The following PLEKHA5 variants were observed in gnomAD, a reference collection of about 807,000 sequenced individuals.
PLEKHA5 encodes the protein pleckstrin homology domain-containing family A member 5.
In PLEKHA5, 55 loss-of-function variants were observed where a neutral mutation model predicts 181.9. The ratio of observed to expected loss-of-function variants is 0.30; its 90% CI spans 0.24 to 0.38. PLEKHA5 has a LOEUF of 0.38. Among genes scored for constraint, PLEKHA5 ranks in the 10% least tolerant of loss-of-function variants. The pLI is 1.00. For missense variants in PLEKHA5, 1,432 were observed against 1,549.5 expected (o/e 0.92, Z 1.27); for synonymous variants, 535 against 529.4 (o/e 1.01, Z -0.15).
Position 19,347,133 on chromosome 12 carries a change from A to C in PLEKHA5, c.2849A>C (p.Glu950Ala). ...AGGGGCCCAGTTCATCTGCCTGAAG[A>C]AAAGAAGATGTATCAAGTTCAAGGA... ...YSRGPVHLPE[E>A]KKMYQVQGYP... Residue 950 changes from glutamate (E) to alanine (A), a missense_variant, in exon 24 of 32, where the codon GAA (glutamate) becomes GCA (alanine). By Grantham distance (107) the Glu-to-Ala change is moderately radical (BLOSUM62 -1). Transcript: ENST00000429027. 5 of 1,550,558 alleles carry C rather than the reference A, an allele frequency of 3.2e-6. No individual in the cohort carries two copies. Among genetic ancestry groups the C allele is most frequent in the Non-Finnish European group, 4.4e-6 (5 of 1,146,206 alleles).
At chr12:19,179,478 G>A (rs2048051372) in intron 3 of PLEKHA5, among the ~76,000 whole-genome samples, 3 of 152,158 alleles carry the variant, frequency 2.0e-5, no homozygotes, top group South Asian at 4.1e-4. Flanking sequence ...CCAACATGGA[G>A]CGAAAGCCCG....
chr12:19,180,379 G>T (rs928664358), intron 3 of PLEKHA5, among the ~76,000 whole-genome samples: 6 of 152,218 alleles, frequency 3.9e-5, no homozygotes, highest in Middle Eastern at 3.4e-3. Flanking sequence ...CCCATGAGGG[G>T]AGTCATCCTC....
intron 21 of PLEKHA5, among the ~76,000 whole-genome samples, chr12:19,338,146 A>G (rs959156568): frequency 6.6e-6 from 1 of 152,140 alleles, no homozygotes; most frequent in Non-Finnish European, 1.5e-5. Context: ...AAATGTGACT[A>G]TTGTGACTAC....
At chr12:19,200,399 A>G (rs975393173) in intron 3 of PLEKHA5, 29 of 1,515,362 alleles carry the variant, frequency 1.9e-5, no homozygotes, top group Admixed American at 4.3e-5. Context: ...ATGCAGGCCT[A>G]TGACTAGCTT....
At chr12:19,279,288 A>C (rs576538441) in intron 11 of PLEKHA5, among the ~76,000 whole-genome samples, 1 of 152,278 alleles carries the variant, frequency 6.6e-6, no homozygotes, top group Non-Finnish European at 1.5e-5. Context: ...GATCACTGGC[A>C]TAGTTAAAAG....
At chr12:19,233,968 G>A (rs1215075127) in intron 3 of PLEKHA5, among the ~76,000 whole-genome samples, 1 of 152,208 alleles carries the variant, frequency 6.6e-6, no homozygotes, top group Non-Finnish European at 1.5e-5. Context: ...CTAAAACGTG[G>A]TTTGGGCAGA....
At chr12:19,279,604 G>A (rs2075521327) in intron 11 of PLEKHA5, among the ~76,000 whole-genome samples, 1 of 151,492 alleles carries the variant, frequency 6.6e-6, no homozygotes, top group Non-Finnish European at 1.5e-5. Context: ...CAGGTCCAGT[G>A]AGCGGAGATC....
chr12:19,270,194 CT>C lies in PLEKHA5; in HGVS notation c.837del (p.Phe279LeufsTer27). 6.8e-7 allele frequency: 1 copy of C among 1,462,564 alleles called. No individual in the cohort carries two copies. Among genetic ancestry groups the C allele is most frequent in the Non-Finnish European group, 9.1e-7 (1 of 1,100,926 alleles). The allele number at this position is 1,462,564 out of a possible 1,614,324, so 90.6% of individuals were successfully genotyped here. A position where few individuals can be genotyped will look rare whatever the true frequency, so the allele number is the denominator to read the frequency against. On this transcript the variant is annotated frameshift_variant, in exon 10 of 32. Transcript: ENST00000429027. LOFTEE classifies it high-confidence loss of function. Reference protein sequence around the residue: ...VQTEPVKRITFNFRVDKITSE... With the variant: ...VQTEPVKRITXNFRVDKITSE... Reference sequence around the variant, plus strand: ...ATGTTCTTTCTTCTTACAGAATTACCTTTAATTTCCGGTGAGTACGTTTTTA... The same window carrying C: ...ATGTTCTTTCTTCTTACAGAATTACCTTAATTTCCGGTGAGTACGTTTTTA...
chr12:19,285,729 A>C (rs970089119), intron 12 of PLEKHA5, among the ~76,000 whole-genome samples: 2 of 152,166 alleles, frequency 1.3e-5, no homozygotes, highest in Non-Finnish European at 2.9e-5. Flanking sequence ...TATCAGGTTC[A>C]CTTATAAATC....
Position 19,314,891 on chromosome 12 carries a change from G to A in PLEKHA5, c.2115G>A (p.Gln705=). 1 of 1,521,914 alleles carries A rather than the reference G, an allele frequency of 6.6e-7. No individual in the cohort carries two copies. The highest frequency in any genetic ancestry group is 8.9e-7 in the Non-Finnish European group (1 of 1,119,924). 94.3% of individuals were successfully genotyped at this position (1,521,914 alleles called of 1,614,324 possible). A position where few individuals can be genotyped will look rare whatever the true frequency, so the allele number is the denominator to read the frequency against. Residue 705 remains glutamine, a synonymous_variant, in exon 16 of 32, where the codon CAG becomes CAA. Coordinates refer to ENST00000429027, the MANE Select transcript of PLEKHA5 (RefSeq NM_001256470.2). ...CGGCGCTAAGACCCCAACTGTACCAGCAAGTAAGGTCTTGGACAGTGAATG... is the reference window on the plus strand; with the variant it reads ...CGGCGCTAAGACCCCAACTGTACCAACAAGTAAGGTCTTGGACAGTGAATG... ...ENSALRPQLY[Q]QFLRQKSKIS...
chr12:19,147,046 A>C (rs1378722173), intron 3 of PLEKHA5: 1 of 152,200 alleles, frequency 6.6e-6, no homozygotes, highest in African/African-American at 2.4e-5. Flanking sequence ...ATGTTTTCCA[A>C]GTTTATGCCA....
intron 8 of PLEKHA5, 29 bp downstream of exon 8, chr12:19,265,879 GT>G (rs774234000): frequency 1.4e-4 from 182 of 1,290,976 alleles, no homozygotes; most frequent in Admixed American, 2.3e-4. Flanking sequence ...TTTTAATTCT[GT>G]GTTCAAAACT....
At position 19,253,368 on chromosome 12, in the gene PLEKHA5, C is replaced by T. The variant is rs2065937138; in HGVS notation, c.228-572C>T. ...GGGATTACAGGCGTGAGCCATGGCA[C>T]CTGGCCTACAACTTAACCTTTGTTT... On this transcript the variant is annotated intron_variant, in intron 3 of 31. Coordinates refer to ENST00000429027, the MANE Select transcript of PLEKHA5 (RefSeq NM_001256470.2). Among the ~76,000 whole-genome samples, 4 of 151,586 alleles carry T rather than the reference C, an allele frequency of 2.6e-5. No homozygotes were observed. The South Asian group carries it at 6.3e-4, about 24-fold the overall frequency.
At chr12:19,357,854 G>T (rs2095035788) in intron 26 of PLEKHA5, among the ~76,000 whole-genome samples, 1 of 151,876 alleles carries the variant, frequency 6.6e-6, no homozygotes, top group Non-Finnish European at 1.5e-5. Context: ...TGCCCAGGCT[G>T]GTCTCAAACT....
intron 15 of PLEKHA5, among the ~76,000 whole-genome samples, chr12:19,298,133 A>G (rs528388483): frequency 6.6e-6 from 1 of 152,206 alleles, no homozygotes; most frequent in South Asian, 2.1e-4. Flanking sequence ...TGGGAGGCAG[A>G]GGTTGCAGTG....
chr12:19,194,587 T>C (rs2052167808), intron 3 of PLEKHA5, among the ~76,000 whole-genome samples: 1 of 152,168 alleles, frequency 6.6e-6, no homozygotes, highest in African/African-American at 2.4e-5. Flanking sequence ...TATGAAAGAA[T>C]GGTCTGGAGA....
At chr12:19,365,437 G>A (rs2095397607) in intron 29 of PLEKHA5, among the ~76,000 whole-genome samples, 1 of 151,988 alleles carries the variant, frequency 6.6e-6, no homozygotes, top group African/African-American at 2.4e-5. Context: ...TCCAGAATGT[G>A]ATAAACTATA....
intron 11 of PLEKHA5, among the ~76,000 whole-genome samples, chr12:19,278,405 C>T (rs2075182889): frequency 6.6e-6 from 1 of 152,100 alleles, no homozygotes; most frequent in African/African-American, 2.4e-5. Flanking sequence ...TTATAAGCAA[C>T]TTTGGGTGTG....
Position 19,283,273 on chromosome 12 carries a change from A to T in PLEKHA5, c.1314-7A>T. On this transcript the variant is annotated splice_region_variant and splice_polypyrimidine_tract_variant and intron_variant, in intron 11 of 31. Transcript: ENST00000429027. Reference sequence around the variant, plus strand: ...ATGTTTACATTTTAATTATTTTTTTATTTTAGAGTAATTTCTTACCAAACA... The same window carrying T: ...ATGTTTACATTTTAATTATTTTTTTTTTTTAGAGTAATTTCTTACCAAACA... The T allele has an allele frequency of 6.5e-7, 1 of 1,536,746 alleles. No individual in the cohort carries two copies. Among genetic ancestry groups the T allele is most frequent in the Admixed American group, 1.9e-5 (1 of 53,504 alleles).
Sources: allele counts gnomAD v4.1 joint callset (sites outside exome capture counted in the v4.1 genomes callset), GRCh38; gene constraint gnomAD v4.1.1; transcripts MANE v1.5; gene names NCBI Gene and HGNC (gene_info 2026-07-23, HGNC 2026-07-21).